Variants in NAV3 observed in about 807,000 individuals in gnomAD.
NAV3 encodes neuron navigator 3.
A neutral mutation model predicts 244.7 loss-of-function variants in NAV3; 87 were observed. That is an observed-to-expected ratio of 0.36 (90% CI 0.30 to 0.42). NAV3 has a LOEUF of 0.42. Ranked by LOEUF, NAV3 falls within the 20% of genes least tolerant of loss-of-function variation. The pLI is 1.00. For missense variants in NAV3, 2,663 were observed against 2,893.3 expected (o/e 0.92, Z 1.83); for synonymous variants, 1,126 against 1,042.2 (o/e 1.08, Z -1.55).
At chr12:77,858,756 G>A (rs1480446183) in intron 1 of NAV3, among the ~76,000 whole-genome samples, 2 of 151,722 alleles carry the variant, frequency 1.3e-5, no homozygotes, top group Non-Finnish European at 2.9e-5. Context: ...TGCTACATAA[G>A]CATCCACAAT....
chr12:78,169,606 G>A (rs940416653), intron 24 of NAV3, among the ~76,000 whole-genome samples: 4 of 151,574 alleles, frequency 2.6e-5, no homozygotes, highest in African/African-American at 7.3e-5. Context: ...CCTAAAACAT[G>A]AATGCCTTAT....
At chr12:78,148,716 A>G in intron 21 of NAV3, 126 bp from the exon 22 acceptor site, 1 of 715,292 alleles carries the variant, frequency 1.4e-6, no homozygotes, top group South Asian at 1.9e-5. Flanking sequence ...CTTTATTTTC[A>G]GGAGTTGCTG....
intron 24 of NAV3, among the ~76,000 whole-genome samples, chr12:78,173,859 T>TAC (rs1305586828): frequency 6.6e-6 from 1 of 151,568 alleles, no homozygotes; most frequent in Admixed American, 6.6e-5. Flanking sequence ...GATACACATA[T>TAC]ACACACACAC....
intron 12 of NAV3, among the ~76,000 whole-genome samples, chr12:78,060,278 A>G (rs1316485977): frequency 1.3e-5 from 2 of 152,180 alleles, no homozygotes; most frequent in Non-Finnish European, 2.9e-5. Context: ...TATACAATTC[A>G]TTGTGCATTT....
chr12:77,908,397 T>C (rs546033471), intron 1 of NAV3, among the ~76,000 whole-genome samples: 1 of 152,186 alleles, frequency 6.6e-6, no homozygotes, highest in Admixed American at 6.6e-5. Flanking sequence ...TTTATTCACT[T>C]ATTTAAGGAA....
intron 1 of NAV3, among the ~76,000 whole-genome samples, chr12:77,835,816 C>G (rs1439340099): frequency 1.3e-5 from 2 of 152,184 alleles, no homozygotes; most frequent in Non-Finnish European, 2.9e-5. Flanking sequence ...TGTCTTCATT[C>G]AGGCATTCTT....
At chr12:77,693,498 T>A (rs1875131994) in intron 2 of NAV3, among the ~76,000 whole-genome samples, 1 of 152,042 alleles carries the variant, frequency 6.6e-6, no homozygotes, top group South Asian at 2.1e-4. Flanking sequence ...AACCATGGAA[T>A]TGCTCCTAGA....
At chr12:77,803,305 G>A (rs1031048518) in intron 2 of NAV3, among the ~76,000 whole-genome samples, 1 of 152,070 alleles carries the variant, frequency 6.6e-6, no homozygotes, top group African/African-American at 2.4e-5. Context: ...AGGCCCTGGT[G>A]TATGATGTTT....
chr12:77,611,141 A>C (rs529752426), intron 2 of NAV3, among the ~76,000 whole-genome samples: 19 of 152,114 alleles, frequency 1.2e-4, no homozygotes, highest in African/African-American at 4.6e-4. Flanking sequence ...TTTTATATCT[A>C]ATAAGCCACA....
chr12:78,167,237 C>G (rs941352775), intron 23 of NAV3, among the ~76,000 whole-genome samples: 10 of 151,674 alleles, frequency 6.6e-5, no homozygotes, highest in African/African-American at 2.4e-4. Flanking sequence ...CTGGAAATTT[C>G]CCACAAATAT....
intron 2 of NAV3, among the ~76,000 whole-genome samples, chr12:77,704,883 G>C (rs1875722089): frequency 6.6e-6 from 1 of 152,166 alleles, no homozygotes; most frequent in Non-Finnish European, 1.5e-5. Context: ...CCACTTCACT[G>C]TGGGTTTCCC....
intron 2 of NAV3, among the ~76,000 whole-genome samples, chr12:77,727,880 C>T (rs912095697): frequency 6.6e-6 from 1 of 151,890 alleles, no homozygotes; most frequent in Non-Finnish European, 1.5e-5. Context: ...TCTAATTACT[C>T]TCATTTAGGG....
chr12:77,874,612 A>T (rs1454107066), intron 1 of NAV3, among the ~76,000 whole-genome samples: 1 of 136,970 alleles, frequency 7.3e-6, no homozygotes, highest in African/African-American at 3.1e-5. Flanking sequence ...TGTGGTTAGT[A>T]AAAAAAAAAA....
intron 12 of NAV3, among the ~76,000 whole-genome samples, chr12:78,108,657 G>A (rs77080121): frequency 3.9e-5 from 6 of 152,116 alleles, no homozygotes; most frequent in East Asian, 1.9e-4. Flanking sequence ...CAAGAATAAC[G>A]TTGGAAACTA....
chr12:77,834,481 C>A (rs1244193330), intron 1 of NAV3, among the ~76,000 whole-genome samples: 1 of 152,048 alleles, frequency 6.6e-6, no homozygotes, highest in Non-Finnish European at 1.5e-5. Flanking sequence ...AAAAGAAATG[C>A]CATAAAATTC....
intron 2 of NAV3, among the ~76,000 whole-genome samples, chr12:77,750,586 T>C (rs1868798616): frequency 6.6e-6 from 1 of 151,620 alleles, no homozygotes; most frequent in African/African-American, 2.4e-5. Flanking sequence ...AAGATAACCC[T>C]GGGTAAGTAC....
intron 1 of NAV3, among the ~76,000 whole-genome samples, chr12:77,936,780 G>A (rs1175509648): frequency 6.6e-6 from 1 of 152,074 alleles, no homozygotes; most frequent in African/African-American, 2.4e-5. Context: ...CAGTTGACAA[G>A]GTTGTTTGTA....
chr12:78,158,740 G>A (rs527994844), intron 22 of NAV3, among the ~76,000 whole-genome samples: 15 of 152,266 alleles, frequency 9.9e-5, no homozygotes, highest in African/African-American at 3.6e-4. Context: ...ACTTGATGGA[G>A]CGTATCATTA....
At chr12:77,928,418 G>A (rs903249880) in intron 1 of NAV3, among the ~76,000 whole-genome samples, 1 of 151,994 alleles carries the variant, frequency 6.6e-6, no homozygotes, top group Non-Finnish European at 1.5e-5. Context: ...GGGAGATGGA[G>A]GAAAGATGAG....
Sources: gnomAD v4.1 joint callset for allele counts (sites outside exome capture counted in the v4.1 genomes callset) on GRCh38, gnomAD v4.1.1 for gene constraint, MANE v1.5 for transcripts, NCBI Gene and HGNC (gene_info 2026-07-23, HGNC 2026-07-21) for gene names.